The following MGAT4C variants were observed in gnomAD, a reference collection of about 807,000 sequenced individuals.
MGAT4C encodes MGAT4 family member C, also known as alpha-1,3-mannosyl-glycoprotein 4-beta-N-acetylglucosaminyltransferase C.
Under a neutral mutation model 40.1 loss-of-function variants are expected in MGAT4C, and 19 were observed. The ratio of observed to expected loss-of-function variants is 0.47; its 90% CI spans 0.33 to 0.70. The LOEUF (loss-of-function observed/expected upper bound fraction) is 0.70, where lower values mean the gene tolerates loss of function less well. Among genes scored for constraint, MGAT4C ranks in the 30% least tolerant of loss-of-function variants. The probability of loss-of-function intolerance (pLI) is 0.02; values close to 1 mark genes in which losing one functional copy is unlikely to be tolerated. For synonymous variants in MGAT4C, 181 were observed against 187.1 expected, an observed-to-expected ratio of 0.97 and a Z score of 0.27; for missense variants, 491 against 563.2, an observed-to-expected ratio of 0.87 and a Z score of 1.30.
chr12:86,356,184 A>C (rs975140491), intron 3 of MGAT4C, among the ~76,000 whole-genome samples: 1 of 152,226 alleles, frequency 6.6e-6, no homozygotes, highest in African/African-American at 2.4e-5. Context: ...GAAAGAATCC[A>C]AGAAAAGGCT....
intron 2 of MGAT4C, among the ~76,000 whole-genome samples, chr12:86,625,793 G>A (rs777377104): frequency 1.3e-4 from 19 of 151,406 alleles, no homozygotes; most frequent in Admixed American, 5.3e-4. Context: ...AAATGGAAAT[G>A]GAATTATATA....
intron 2 of MGAT4C, among the ~76,000 whole-genome samples, chr12:86,726,802 A>C (rs985351131): frequency 5.9e-5 from 9 of 152,166 alleles, no homozygotes; most frequent in Admixed American, 4.6e-4. Flanking sequence ...ACAATCTAAA[A>C]TTAATTTGAA....
At chr12:86,566,631 T>TTA (rs1414331789) in intron 2 of MGAT4C, among the ~76,000 whole-genome samples, 1 of 143,224 alleles carries the variant, frequency 7.0e-6, no homozygotes, top group Non-Finnish European at 1.5e-5. Flanking sequence ...TATATATGTA[T>TTA]TATATATACA....
intron 2 of MGAT4C, among the ~76,000 whole-genome samples, chr12:86,441,511 C>A (rs1411713885): frequency 8.9e-6 from 1 of 111,772 alleles, no homozygotes; most frequent in Non-Finnish European, 1.7e-5. Flanking sequence ...CCCCACCCCA[C>A]AACAGGCCTC....
chr12:86,270,647 T>C (rs1952922985), intron 4 of MGAT4C, among the ~76,000 whole-genome samples: 1 of 152,182 alleles, frequency 6.6e-6, no homozygotes, highest in Non-Finnish European at 1.5e-5. Flanking sequence ...AACATCATTC[T>C]TCACAAAATT....
intron 2 of MGAT4C, among the ~76,000 whole-genome samples, chr12:86,543,728 A>C (rs1959179547): frequency 6.6e-6 from 1 of 152,194 alleles, no homozygotes; most frequent in Admixed American, 6.5e-5. Flanking sequence ...TACATCAGTC[A>C]ACTCTTGCTG....
chr12:86,213,280 T>G (rs1950552959), intron 1 of MGAT4C, among the ~76,000 whole-genome samples: 1 of 152,182 alleles, frequency 6.6e-6, no homozygotes, highest in African/African-American at 2.4e-5. Flanking sequence ...AAAGTGAATC[T>G]GAGACCTAAT....
At chr12:85,994,657 A>T (rs766349882) in intron 2 of MGAT4C, among the ~76,000 whole-genome samples, 22 of 152,278 alleles carry the variant, frequency 1.4e-4, no homozygotes, top group Admixed American at 6.5e-4. Flanking sequence ...CAAAAAACAA[A>T]AAAACACTCG....
chr12:85,997,062 T>C (rs1375254740), intron 2 of MGAT4C, among the ~76,000 whole-genome samples: 3 of 151,912 alleles, frequency 2.0e-5, no homozygotes, highest in Non-Finnish European at 4.4e-5. Context: ...CAGAAAGAGG[T>C]TTAATGGACT....
chr12:86,121,316 C>A (rs1281302932), intron 1 of MGAT4C, among the ~76,000 whole-genome samples: 2 of 152,142 alleles, frequency 1.3e-5, no homozygotes, highest in Non-Finnish European at 2.9e-5. Context: ...AGTTGGAAAA[C>A]ACTCTTCAGG....
At chr12:86,359,157 C>T (rs1955393459) in intron 3 of MGAT4C, among the ~76,000 whole-genome samples, 1 of 152,190 alleles carries the variant, frequency 6.6e-6, no homozygotes, top group African/African-American at 2.4e-5. Context: ...CGAACTAGAA[C>T]TCAGGATCAA....
chr12:86,827,619 C>T lies in MGAT4C; in HGVS notation c.-262+11047G>A, dbSNP rs181171418. Reference sequence around the variant, plus strand: ...GAGAAATGTATACTTAAGAGTTCAACGAAAGAAAAATGCCTTGGAAAGACA... The same window carrying T: ...GAGAAATGTATACTTAAGAGTTCAATGAAAGAAAAATGCCTTGGAAAGACA... On this transcript the variant is annotated intron_variant, in intron 1 of 7. Transcript: ENST00000548651. Among the ~76,000 whole-genome samples, 98 of 150,874 alleles carry T rather than the reference C, an allele frequency of 6.5e-4. 2 individuals are homozygous for T. Among genetic ancestry groups the T allele is most frequent in the Admixed American group, 2.4e-3 (36 of 15,064 alleles).
chr12:86,065,002 C>G (rs1481622834), intron 1 of MGAT4C, among the ~76,000 whole-genome samples: 1 of 152,160 alleles, frequency 6.6e-6, no homozygotes, highest in Non-Finnish European at 1.5e-5. Flanking sequence ...CCTCCCAAGT[C>G]TATACCAGGA....
At chr12:86,517,655 T>C (rs1331641723) in intron 2 of MGAT4C, among the ~76,000 whole-genome samples, 2 of 148,486 alleles carry the variant, frequency 1.3e-5, no homozygotes, top group Non-Finnish European at 1.5e-5. Flanking sequence ...TTTGTTTGTT[T>C]ATTTATTTAG....
intron 1 of MGAT4C, among the ~76,000 whole-genome samples, chr12:86,761,449 T>C (rs369647871): frequency 1.3e-5 from 2 of 152,232 alleles, no homozygotes; most frequent in African/African-American, 2.4e-5. Flanking sequence ...GTGGTTTCCA[T>C]AGATCTGGAG....
At chr12:86,046,393 C>A (rs1341193948) in intron 2 of MGAT4C, among the ~76,000 whole-genome samples, 1 of 152,166 alleles carries the variant, frequency 6.6e-6, no homozygotes. Context: ...CCCTGACTGC[C>A]ATGGGAACAG....
chr12:86,709,622 G>A (rs761999151), intron 2 of MGAT4C, among the ~76,000 whole-genome samples: 1 of 151,896 alleles, frequency 6.6e-6, no homozygotes, highest in African/African-American at 2.4e-5. Context: ...TATTATATTT[G>A]AGGCTGGTCT....
rs1487607792 is a variant in MGAT4C, at chr12:86,774,353, C to T, written c.-261-47112G>A. Among the ~76,000 whole-genome samples, 174 of 17,972 alleles carry T rather than the reference C, an allele frequency of 9.7e-3. 6 individuals carry two copies. The highest frequency in any genetic ancestry group is 0.012 in the Non-Finnish European group (92 of 7,794). The allele number at this position is 17,972 out of a possible 152,430, so 11.8% of individuals were successfully genotyped here. ...TTTCTTTCTTTCTGTCTCTCTCTCT[C>T]CCCTCTCTCTCTCTCTCTTTCTGTC... On this transcript the variant is annotated intron_variant, in intron 1 of 7. Coordinates refer to the MGAT4C transcript ENST00000548651.
chr12:86,341,718 C>G (rs998086168), intron 3 of MGAT4C, among the ~76,000 whole-genome samples: 5 of 152,162 alleles, frequency 3.3e-5, no homozygotes, highest in African/African-American at 9.6e-5. Flanking sequence ...CAGATGGGAT[C>G]CCCCAGCACA....
Sources: allele counts gnomAD v4.1 joint callset (sites outside exome capture counted in the v4.1 genomes callset), GRCh38; gene constraint gnomAD v4.1.1; transcripts MANE v1.5; gene names NCBI Gene and HGNC (gene_info 2026-07-23, HGNC 2026-07-21).